Variants in GP2 observed in about 807,000 individuals in gnomAD.
GP2 encodes the protein pancreatic secretory granule membrane major glycoprotein GP2.
Under a neutral mutation model 60.8 loss-of-function variants are expected in GP2, and 58 were observed. The ratio of observed to expected loss-of-function variants is 0.95; its 90% CI spans 0.77 to 1.19. The LOEUF is 1.19. Among genes scored for constraint, GP2 ranks in the 50% most tolerant of loss-of-function variants. The pLI is 0.00. For missense variants in GP2, 647 were observed against 667.4 expected, an observed-to-expected ratio of 0.97 and a Z score of 0.34; for synonymous variants, 280 against 253.4, an observed-to-expected ratio of 1.10 and a Z score of -1.00.
chr16:20,327,257 G>T, intron 1 of GP2: 1 of 337,228 alleles, frequency 3.0e-6, no homozygotes, highest in Admixed American at 3.9e-5. Flanking sequence ...AAGGAAGAGG[G>T]TGGCGTCCGT....
At chr16:20,326,563 C>A in intron 1 of GP2, 96 bp from the exon 2 acceptor site, 1 of 1,004,350 alleles carries the variant, frequency 1.0e-6, no homozygotes, top group South Asian at 1.7e-5. Context: ...TGCATTGTTT[C>A]AAAGTAGGTG....
rs1194853093 is a variant in GP2, at chr16:20,315,979, T to A, written c.1478A>T (p.Asp493Val). ...ACCTCTCCGAGTGATGGGCCCCAAA[T>A]CTAGAACCCGGGCTAGGTCGATGGC... is the stretch of plus-strand genomic sequence containing the variant. ...VPAIDLARVL[D>V]LGPITRRGAQ... The change falls in exon 9 of 11, where the codon GAT becomes GTT. Residue 493 changes from aspartate to valine, a missense_variant. Physicochemically the swap from Asp to Val is radical, Grantham distance 152 (BLOSUM62 -3). Coordinates refer to ENST00000302555, the MANE Select transcript of GP2 (RefSeq NM_001502.4). The A allele has an allele frequency of 1.1e-5, 18 of 1,612,848 alleles. No homozygotes were observed. The Admixed American group carries it at 3.0e-4, about 27-fold the overall frequency.
At chr16:20,322,752 T>G (rs2141607426) in intron 4 of GP2, 117 bp downstream of exon 4, 1 of 622,642 alleles carries the variant, frequency 1.6e-6, no homozygotes, top group Admixed American at 2.7e-5. Flanking sequence ...CCACATTCCC[T>G]TGACCTCAGG....
At chr16:20,312,940 G>A (rs1041191995) in intron 10 of GP2, among the ~76,000 whole-genome samples, 17 of 152,186 alleles carry the variant, frequency 1.1e-4, no homozygotes, top group African/African-American at 3.1e-4. Flanking sequence ...ATGAGCCACC[G>A]CACCTGGCCT....
intron 6 of GP2, 80 bp downstream of exon 6, chr16:20,319,540 C>T: frequency 1.0e-6 from 1 of 991,800 alleles, no homozygotes; most frequent in Non-Finnish European, 1.6e-6. Context: ...ATGGTGTGGA[C>T]ATCATAGTCT....
chr16:20,323,360 G>A (rs1232117167), intron 3 of GP2: 3 of 718,326 alleles, frequency 4.2e-6, no homozygotes, highest in African/African-American at 1.7e-5. Flanking sequence ...CCCCTAACTG[G>A]GGTAATTAGG....
intron 4 of GP2, among the ~76,000 whole-genome samples, chr16:20,321,812 G>A (rs1414004680): frequency 1.3e-5 from 2 of 152,156 alleles, no homozygotes; most frequent in African/African-American, 4.8e-5. Context: ...GGGGCCCACT[G>A]GACACTCATC....
intron 9 of GP2, 135 bp from the exon 10 acceptor site, chr16:20,314,836 G>A (rs566862168): frequency 4.6e-5 from 33 of 721,152 alleles, no homozygotes; most frequent in Non-Finnish European, 7.1e-5. Context: ...CATTGTGGGG[G>A]CATCTAGAAT....
intron 10 of GP2, 81 bp from the exon 11 acceptor site, chr16:20,311,362 C>G (rs561972461): frequency 1.7e-5 from 14 of 839,398 alleles, no homozygotes; most frequent in South Asian, 1.6e-4. Context: ...TTGTCTTTCA[C>G]AACACAAGGA....
At position 20,315,949 on chromosome 16, in the gene GP2, C is replaced by T; in HGVS notation, c.1501+7G>A. On this transcript the variant is annotated splice_region_variant and intron_variant, in intron 9 of 10. Coordinates refer to ENST00000302555, the MANE Select transcript of GP2 (RefSeq NM_001502.4). ...GCTGGTCTTGTCACTGGGATTTGGC[C>T]ACTTACCTCTCCGAGTGATGGGCCC... The T allele has an allele frequency of 1.9e-6, 3 of 1,589,812 alleles. No individual in the cohort carries two copies. Among genetic ancestry groups the T allele is most frequent in the East Asian group, 2.2e-5 (1 of 44,768 alleles).
At chr16:20,316,520 T>C (rs1387234581) in intron 8 of GP2, among the ~76,000 whole-genome samples, 1 of 152,204 alleles carries the variant, frequency 6.6e-6, no homozygotes, top group African/African-American at 2.4e-5. Flanking sequence ...AACCTCACAG[T>C]GGAGTAGGCA....
In GP2 at chr16:20,311,131, T is replaced by C; in HGVS notation, c.*92A>G. On this transcript the variant is annotated 3_prime_UTR_variant, in exon 11 of 11. Transcript: ENST00000302555. Reference sequence around the variant, plus strand: ...GCCTTGATTCTATTAATACCAAGCCTGTGTGAATTGGAGTGGAAAGCAGAA... The same window carrying C: ...GCCTTGATTCTATTAATACCAAGCCCGTGTGAATTGGAGTGGAAAGCAGAA... The C allele has an allele frequency of 1.2e-6, 1 of 808,618 alleles. No individual in the cohort carries two copies. Among genetic ancestry groups the C allele is most frequent in the South Asian group, 1.4e-5 (1 of 73,298 alleles). The allele number at this position is 808,618 out of a possible 1,614,324, so 50.1% of individuals were successfully genotyped here. A position where few individuals can be genotyped will look rare whatever the true frequency, so the allele number is the denominator to read the frequency against.
chr16:20,326,727 G>C (rs1240576168), intron 1 of GP2: 1 of 320,310 alleles, frequency 3.1e-6, no homozygotes, highest in Non-Finnish European at 5.7e-6. Context: ...TTGGAGATTG[G>C]ATAGAGAAAA....
At chr16:20,318,661 C>A (rs1042449362) in intron 6 of GP2, among the ~76,000 whole-genome samples, 3 of 152,190 alleles carry the variant, frequency 2.0e-5, no homozygotes, top group African/African-American at 7.2e-5. Flanking sequence ...TTACACATAT[C>A]TCCCTTGCTG....
chr16:20,316,274 G>T lies in GP2; in HGVS notation c.1417-234C>A, dbSNP rs182651410. On this transcript the variant is annotated intron_variant, in intron 8 of 10. Transcript: ENST00000302555. Reference sequence around the variant, plus strand: ...CTTTCTTTTAGCTATATAATTTGGGGCCAATGACTTTGCCTTTCTACAATA... The same window carrying T: ...CTTTCTTTTAGCTATATAATTTGGGTCCAATGACTTTGCCTTTCTACAATA... Among the ~76,000 whole-genome samples, 206 of 152,270 alleles carry T rather than the reference G, an allele frequency of 1.4e-3. 1 individual carries two copies. The highest frequency in any genetic ancestry group is 4.6e-3 in the African/African-American group (193 of 41,552).
At chr16:20,323,487 C>CT (rs1964432213) in intron 3 of GP2, 9 of 253,138 alleles carry the variant, frequency 3.6e-5, no homozygotes, top group South Asian at 2.3e-4. Context: ...TTTGCTGTAC[C>CT]CCCCCCCCCT....
At chr16:20,314,617 G>A (rs1386134606) in intron 10 of GP2, 40 bp downstream of exon 10, 3 of 1,395,340 alleles carry the variant, frequency 2.2e-6, no homozygotes, top group Non-Finnish European at 3.1e-6. Context: ...AGAAAGGAGA[G>A]TTGGGAAAGC....
chr16:20,321,470 C>T (rs1042692438), intron 4 of GP2, among the ~76,000 whole-genome samples: 1 of 152,148 alleles, frequency 6.6e-6, no homozygotes, highest in African/African-American at 2.4e-5. Context: ...GTTTATTATA[C>T]TTCAATATGA....
At chr16:20,319,842 A>C in intron 5 of GP2, 74 bp from the exon 6 acceptor site, 6 of 1,213,072 alleles carry the variant, frequency 4.9e-6, no homozygotes, top group Non-Finnish European at 7.2e-6. Flanking sequence ...TCCAGATCTG[A>C]TTTCCAGAGT....
Sources: allele counts gnomAD v4.1 joint callset (sites outside exome capture counted in the v4.1 genomes callset), GRCh38; gene constraint gnomAD v4.1.1; transcripts MANE v1.5; gene names NCBI Gene and HGNC (gene_info 2026-07-23, HGNC 2026-07-21).